The following SLC12A5 variants were observed in gnomAD, a reference collection of about 807,000 sequenced individuals.
SLC12A5 encodes the protein K-Cl cotransporter 2.
In SLC12A5, 18 loss-of-function variants were observed where a neutral mutation model predicts 124.0. That is an observed-to-expected ratio of 0.15 (90% confidence interval 0.10 to 0.22). The LOEUF (loss-of-function observed/expected upper bound fraction) is 0.22, where lower values mean the gene tolerates loss of function less well. Ranked by LOEUF, SLC12A5 falls within the 10% of genes least tolerant of loss-of-function variation. The pLI is 1.00. For missense variants in SLC12A5, 867 were observed against 1,478.7 expected, an observed-to-expected ratio of 0.59 and a Z score of 6.78; for synonymous variants, 589 against 568.0, an observed-to-expected ratio of 1.04 and a Z score of -0.53.
In SLC12A5 at chr20:46,047,457, C is replaced by T; in HGVS notation, c.1791C>T (p.Thr597=). Residue 597 remains threonine (T), a synonymous_variant, in exon 15 of 26, where the codon ACC becomes ACT. Coordinates refer to ENST00000243964, the MANE Select transcript of SLC12A5 (RefSeq NM_020708.5). ...WRPRFRYYHW[T]LSFLGMSLCL... is the part of the protein sequence containing the mutation. ...TGGGTCTCCCCACCTTGTCTAGGAC[C>T]CTCTCCTTCCTGGGCATGAGCCTCT... The T allele has an allele frequency of 1.2e-6, 2 of 1,613,888 alleles. No individual in the cohort carries two copies. Among genetic ancestry groups the T allele is most frequent in the Non-Finnish European group, 8.5e-7 (1 of 1,179,808 alleles).
Position 46,043,749 on chromosome 20 carries a change from G to T in SLC12A5, c.1336+18G>T, listed in dbSNP as rs748896211. 1.2e-6 allele frequency: 2 copies of T among 1,614,120 alleles called. No individual in the cohort carries two copies. The highest frequency in any genetic ancestry group is 2.2e-5 in the East Asian group (1 of 44,870). ...TGCTGTCTGTATCCTGCACAGCTGT[G>T]CTGGGACCACCCTCGGGGGAGGGCA... On this transcript the variant is annotated intron_variant, in intron 10 of 25. Transcript: ENST00000243964.
chr20:46,043,280 C>T lies in SLC12A5; in HGVS notation c.1194C>T (p.Ser398=), dbSNP rs2084564008. The change falls in exon 9 of 26, where the codon TCC becomes TCT. Residue 398 remains serine (S), a synonymous_variant. Transcript: ENST00000243964. ...DHPYVFSDMT[S]YFTLLVGIYF... is the part of the protein sequence containing the mutation. ...CTTATGTCTTCAGTGATATGACCTC[C>T]TACTTCACCCTGCTGGTTGGCATCT... is the stretch of plus-strand genomic sequence containing the variant. The T allele has an allele frequency of 1.2e-6, 2 of 1,614,108 alleles. No individual in the cohort carries two copies. The highest frequency in any genetic ancestry group is 1.6e-4 in the Middle Eastern group (1 of 6,062).
Position 46,056,134 on chromosome 20 carries a change from C to A in SLC12A5, c.2788-16C>A. On this transcript the variant is annotated splice_polypyrimidine_tract_variant and intron_variant, in intron 21 of 25. Coordinates refer to ENST00000243964, the MANE Select transcript of SLC12A5 (RefSeq NM_020708.5). This position sits in a 1 kb window ranked among gnomAD's most constrained non-coding sequence, Gnocchi z 4.3. The stretch of plus-strand genomic sequence containing the variant: ...GACTCCCAGCAGAGCTGGCACCAAC[C>A]TATGTCACTCCCTAGATCCAGAGTA... 6.2e-7 allele frequency: 1 copy of A among 1,613,732 alleles called. No individual in the cohort carries two copies. The highest frequency in any genetic ancestry group is 1.3e-5 in the African/African-American group (1 of 75,044).
Position 46,056,746 on chromosome 20 carries a change from C to T in SLC12A5, c.3111-151C>T. The T allele has an allele frequency of 9.0e-7, 1 of 1,114,708 alleles. No individual in the cohort carries two copies. The highest frequency in any genetic ancestry group is 1.3e-6 in the Non-Finnish European group (1 of 755,450). 69.1% of individuals were successfully genotyped at this position (1,114,708 alleles called of 1,614,324 possible). ...GGCCCCATTGCTAAGTCTCAGAATT[C>T]CCAGTTGCAGGCAGCGGAAAGGTGA... is the stretch of plus-strand genomic sequence containing the variant. On this transcript the variant is annotated intron_variant, in intron 23 of 25. Transcript: ENST00000243964. The surrounding 1 kb of genome is among the most constrained non-coding windows in gnomAD (Gnocchi z 4.3).
intron 7 of SLC12A5, 191 bp from the exon 8 acceptor site, chr20:46,041,138 T>C (rs2084542482): frequency 3.7e-6 from 2 of 547,540 alleles, no homozygotes; most frequent in African/African-American, 3.9e-5. Flanking sequence ...CTTGGCTGCT[T>C]ATTAGAATCA....
Position 46,056,878 on chromosome 20 carries a change from T to C in SLC12A5, c.3111-19T>C, listed in dbSNP as rs373343980. ...TGCTCTTTTTCTTTCTCTCTTTGCA[T>C]CTCTTGTGTTTCCTGAAGGGAGTGG... On this transcript the variant is annotated intron_variant, in intron 23 of 25. Transcript: ENST00000243964. The surrounding 1 kb of genome is among the most constrained non-coding windows in gnomAD (Gnocchi z 4.3). 1.9e-6 allele frequency: 3 copies of C among 1,613,302 alleles called. No individual in the cohort carries two copies. The highest frequency in any genetic ancestry group is 2.5e-6 in the Non-Finnish European group (3 of 1,179,292).
At chr20:46,036,116 A>G (rs1243240699) in intron 4 of SLC12A5, 193 bp downstream of exon 4, 2 of 589,144 alleles carry the variant, frequency 3.4e-6, no homozygotes, top group East Asian at 5.9e-5. Flanking sequence ...GCTGTTAACC[A>G]GGTTTCACCT....
intron 4 of SLC12A5, chr20:46,036,426 A>C: frequency 3.2e-6 from 1 of 312,390 alleles, no homozygotes; most frequent in East Asian, 6.0e-5. Flanking sequence ...CTCCTATTCT[A>C]TAGATGGAGA....
chr20:46,052,789 A>T (rs948675154), intron 18 of SLC12A5, among the ~76,000 whole-genome samples, 168 bp from the exon 19 acceptor site: 1 of 152,200 alleles, frequency 6.6e-6, no homozygotes, highest in African/African-American at 2.4e-5. Context: ...CAATAAATAT[A>T]TGATGGGGCC....
chr20:46,029,889 T>C (rs6017728), intron 1 of SLC12A5, among the ~76,000 whole-genome samples: 98 of 75,344 alleles, frequency 1.3e-3, no homozygotes, highest in Admixed American at 2.1e-3. Context: ...TGTGTGTGTG[T>C]GCGCGCGCGT....
At chr20:46,046,025 C>G in intron 13 of SLC12A5, 29 bp downstream of exon 13, 1 of 1,597,000 alleles carries the variant, frequency 6.3e-7, no homozygotes, top group East Asian at 2.2e-5. Context: ...GCCCTCCCCC[C>G]TGGTTCAGGG....
chr20:46,036,015 T>G, intron 4 of SLC12A5, 92 bp downstream of exon 4: 1 of 1,459,064 alleles, frequency 6.9e-7, no homozygotes, highest in Non-Finnish European at 9.2e-7. Flanking sequence ...GCATGAGACC[T>G]GAGCTTTTTA....
chr20:46,035,457 C>A lies in SLC12A5; in HGVS notation c.201C>A (p.Asn67Lys). ...MVSSLLSGLANYTNLPQGSRE... is the reference protein window; with the variant it reads ...MVSSLLSGLAKYTNLPQGSRE... ...CCTCCTTGCTCAGTGGCCTGGCCAA[C>A]TACACCAACCTGCCCCAGGGAAGTA... The change falls in exon 3 of 26, where the codon AAC becomes AAA. Residue 67 changes from asparagine (N) to lysine (K), a missense_variant. Around this residue, in one of 9 missense-constraint regions of SLC12A5, gnomAD observed 126 missense variants for 291.6 expected, o/e 0.43. Transcript: ENST00000243964. The A allele has an allele frequency of 6.2e-7, 1 of 1,613,988 alleles. No homozygotes were observed. Among genetic ancestry groups the A allele is most frequent in the Non-Finnish European group, 8.5e-7 (1 of 1,179,984 alleles).
chr20:46,047,723 T>C, intron 15 of SLC12A5, 150 bp downstream of exon 15: 1 of 1,034,416 alleles, frequency 9.7e-7, no homozygotes, highest in Non-Finnish European at 1.4e-6. Flanking sequence ...GAGAGGGTGA[T>C]ATGGGATGAC....
chr20:46,035,173 G>A, intron 2 of SLC12A5, 131 bp downstream of exon 2: 3 of 1,073,104 alleles, frequency 2.8e-6, no homozygotes, highest in Admixed American at 1.9e-5. Flanking sequence ...TCTTCCTTGA[G>A]CCTCCCCATC....
chr20:46,047,412 C>T, intron 14 of SLC12A5, 42 bp from the exon 15 acceptor site: 2 of 1,605,464 alleles, frequency 1.2e-6, no homozygotes, highest in South Asian at 1.1e-5. Context: ...TCAGCAACAG[C>T]CCTGCTGGGG....
chr20:46,043,609 C>A (rs766583148), intron 9 of SLC12A5, 24 bp from the exon 10 acceptor site: 2 of 1,612,988 alleles, frequency 1.2e-6, no homozygotes, highest in African/African-American at 1.3e-5. Context: ...TGGCTTGAGT[C>A]CTAGCTGCAC....
At chr20:46,029,062 T>C (rs926510751), upstream of SLC12A5, 161 of 1,203,330 alleles carry the variant, frequency 1.3e-4, no homozygotes, top group Middle Eastern at 3.1e-4. Flanking sequence ...TCATCTTCTC[T>C]TCTCTCTCCC....
In SLC12A5 at chr20:46,055,002, C is replaced by G; in HGVS notation, c.2766C>G (p.Thr922=). 1 of 1,614,036 alleles carries G rather than the reference C, an allele frequency of 6.2e-7. No individual in the cohort carries two copies. The highest frequency in any genetic ancestry group is 1.1e-5 in the South Asian group (1 of 91,072). ...RSQILKQMHL[T]KNEREREIQS... ...AGATCCTCAAACAGATGCATTTAAC[C>G]AAGAATGAGCGGGAGCGGGAGGTGA... Residue 922 remains threonine (T), a synonymous_variant, in exon 21 of 26, where the codon ACC becomes ACG. Coordinates refer to ENST00000243964, the MANE Select transcript of SLC12A5 (RefSeq NM_020708.5).
Sources: allele counts gnomAD v4.1 joint callset (sites outside exome capture counted in the v4.1 genomes callset), GRCh38; gene constraint gnomAD v4.1.1; regional missense constraint gnomAD v4.1.1; non-coding constraint Gnocchi (gnomAD v3.1); transcripts MANE v1.5; gene names NCBI Gene and HGNC (gene_info 2026-07-23, HGNC 2026-07-21).